The following NEIL3 variants were observed in gnomAD, a reference collection of about 807,000 sequenced individuals.
The protein encoded by NEIL3 is nei like DNA glycosylase 3.
NEIL3 carries 48 observed loss-of-function variants against 57.5 expected under a neutral mutation model. The observed-to-expected ratio is 0.83, with a 90% CI of 0.66 to 1.06. The LOEUF (loss-of-function observed/expected upper bound fraction) is 1.06. Ranked by LOEUF, NEIL3 falls within the 50% of genes least tolerant of loss-of-function variation. The pLI is 0.00. For synonymous variants in NEIL3, 261 were observed against 253.2 expected (o/e 1.03, Z -0.29); for missense variants, 717 against 739.1 (o/e 0.97, Z 0.35).
intron 4 of NEIL3, among the ~76,000 whole-genome samples, chr4:177,339,463 A>C (rs1033863259): frequency 4.6e-5 from 7 of 152,160 alleles, no homozygotes; most frequent in Non-Finnish European, 1.0e-4. Flanking sequence ...TCTCTAAAAA[A>C]ACAGAAGAAT....
At chr4:177,362,204 G>A in intron 9 of NEIL3, 85 bp from the exon 10 acceptor site, 1 of 941,530 alleles carries the variant, frequency 1.1e-6, no homozygotes, top group Non-Finnish European at 1.6e-6. Context: ...AAGACTATAT[G>A]GCACTAATCA....
At chr4:177,353,764 G>GT (rs1735414907) in intron 8 of NEIL3, 36 bp downstream of exon 8, 3 of 1,462,308 alleles carry the variant, frequency 2.1e-6, no homozygotes, top group Non-Finnish European at 9.3e-7. Flanking sequence ...TAAGATAATT[G>GT]CTTTTTTTTT....
chr4:177,357,068 C>T (rs1426145619), intron 8 of NEIL3: 1 of 152,214 alleles, frequency 6.6e-6, no homozygotes, highest in Admixed American at 6.5e-5. Flanking sequence ...GTCCTTGTCT[C>T]TTGGTTGCTT....
intron 8 of NEIL3, among the ~76,000 whole-genome samples, chr4:177,358,058 G>C (rs1056335318): frequency 1.3e-5 from 2 of 152,138 alleles, no homozygotes; most frequent in Admixed American, 1.3e-4. Context: ...TGCATATTTA[G>C]AGCCAGTGTG....
Position 177,336,362 on chromosome 4 carries a change from G to A in NEIL3, c.627+41G>A, listed in dbSNP as rs2271102. On this transcript the variant is annotated intron_variant, in intron 4 of 9. Coordinates refer to ENST00000264596, the MANE Select transcript of NEIL3 (RefSeq NM_018248.3). The stretch of plus-strand genomic sequence containing the variant: ...TTTTTTAATTATCTGTTGATTTTTC[G>A]GTACTGTGAAGGAACCAACGTGGAA... 852,111 of 1,557,956 alleles carry A rather than the reference G, an allele frequency of 0.55. 235,517 individuals are homozygous for A. Among genetic ancestry groups the A allele is most frequent in the African/African-American group, 0.76 (55,828 of 73,614 alleles).
chr4:177,341,762 AT>A, intron 6 of NEIL3, 120 bp downstream of exon 6: 1 of 843,932 alleles, frequency 1.2e-6, no homozygotes, highest in Non-Finnish European at 1.7e-6. Context: ...ACTCAAAAGT[AT>A]TTTAGTCCTT....
chr4:177,342,646 T>C (rs1439331487), intron 6 of NEIL3, among the ~76,000 whole-genome samples: 1 of 151,110 alleles, frequency 6.6e-6, no homozygotes, highest in Non-Finnish European at 1.5e-5. Flanking sequence ...CCCTTCTCCC[T>C]ACTGTACTTG....
At chr4:177,312,252 A>T (rs1409331430) in intron 1 of NEIL3, among the ~76,000 whole-genome samples, 1 of 152,168 alleles carries the variant, frequency 6.6e-6, no homozygotes, top group African/African-American at 2.4e-5. Context: ...TCACATGTCT[A>T]GTAAGGGGCT....
intron 8 of NEIL3, among the ~76,000 whole-genome samples, chr4:177,358,742 A>G (rs1239163964): frequency 1.3e-5 from 2 of 152,070 alleles, no homozygotes; most frequent in Admixed American, 6.5e-5. Flanking sequence ...CCCCAGAAAA[A>G]TTTTAATACA....
At chr4:177,331,427 A>G (rs1734882766) in intron 2 of NEIL3, among the ~76,000 whole-genome samples, 1 of 151,756 alleles carries the variant, frequency 6.6e-6, no homozygotes, top group East Asian at 1.9e-4. Flanking sequence ...ATCCTTACAT[A>G]TGTTAAATCA....
intron 1 of NEIL3, among the ~76,000 whole-genome samples, chr4:177,316,829 T>C (rs1393187929): frequency 6.6e-6 from 1 of 152,178 alleles, no homozygotes; most frequent in Admixed American, 6.5e-5. Flanking sequence ...GACAGTGGTT[T>C]AGAAAATACT....
chr4:177,322,479 T>A lies in NEIL3; in HGVS notation c.177T>A (p.Asp59Glu), dbSNP rs1368786889. The A allele has an allele frequency of 2.5e-6, 4 of 1,613,894 alleles. No homozygotes were observed. Among genetic ancestry groups the A allele is most frequent in the Admixed American group, 1.7e-5 (1 of 60,004 alleles). The change falls in exon 2 of 10, where the codon GAT becomes GAA. Residue 59 changes from aspartate (D) to glutamate (E), a missense_variant. Transcript: ENST00000264596. ...VSPQAAALNN[D>E]SSQNVLSLFN... The stretch of plus-strand genomic sequence containing the variant: ...ACTAGGCTGCTGCACTGAATAATGA[T>A]TCCAGCCAGAATGTCTTGAGCCTGT...
chr4:177,353,796 C>T (rs1158971259), intron 8 of NEIL3, 68 bp downstream of exon 8: 74 of 1,336,592 alleles, frequency 5.5e-5, no homozygotes, highest in Non-Finnish European at 7.1e-5. Flanking sequence ...GACGAGGTCT[C>T]ACTCTGTCAC....
intron 6 of NEIL3, among the ~76,000 whole-genome samples, chr4:177,347,196 G>C (rs1735240265): frequency 6.6e-6 from 1 of 152,058 alleles, no homozygotes; most frequent in East Asian, 1.9e-4. Flanking sequence ...ATGACTTGTA[G>C]CAATCTGAGG....
chr4:177,348,473 T>C (rs1735271539), intron 6 of NEIL3, among the ~76,000 whole-genome samples: 1 of 152,154 alleles, frequency 6.6e-6, no homozygotes, highest in Non-Finnish European at 1.5e-5. Flanking sequence ...AGAGTCCGCC[T>C]GCTCCTTGAG....
At position 177,310,058 on chromosome 4, in the gene NEIL3, GC is replaced by G; in HGVS notation, c.106del (p.Gln36ArgfsTer21). 6.2e-7 allele frequency: 1 copy of G among 1,602,266 alleles called. No individual in the cohort carries two copies. The highest frequency in any genetic ancestry group is 8.5e-7 in the Non-Finnish European group (1 of 1,175,328). ...GVRGSALRSLQGRALRLAAST... is the reference protein window; with the variant it reads ...GVRGSALRSLXGRALRLAAST... ...TGCGGGGAAGCGCTCTGCGGAGTCTGCAGGGCCGCGCCTTGCGGCTCGCAGC... is the reference window on the plus strand; with the variant it reads ...TGCGGGGAAGCGCTCTGCGGAGTCTGAGGGCCGCGCCTTGCGGCTCGCAGC... On this transcript the variant is annotated frameshift_variant, in exon 1 of 10. Transcript: ENST00000264596. LOFTEE classifies it high-confidence loss of function.
intron 2 of NEIL3, among the ~76,000 whole-genome samples, chr4:177,323,164 T>C (rs1272591208): frequency 1.3e-5 from 2 of 152,152 alleles, no homozygotes; most frequent in Non-Finnish European, 2.9e-5. Flanking sequence ...AAAGTCAAAA[T>C]ATATGTAATT....
intron 1 of NEIL3, among the ~76,000 whole-genome samples, chr4:177,320,466 CTTTTTTTTTTTT>C (rs34353849): frequency 3.0e-4 from 23 of 77,458 alleles, no homozygotes; most frequent in South Asian, 1.7e-3. Flanking sequence ...TGACTGCTGT[CTTTTTTTTTTTT>C]TTTTTTTTTT....
chr4:177,333,360 A>C (rs1462803511), intron 2 of NEIL3, among the ~76,000 whole-genome samples: 1 of 152,186 alleles, frequency 6.6e-6, no homozygotes, highest in Non-Finnish European at 1.5e-5. Flanking sequence ...GATATTTCTA[A>C]TGAGAGGAAT....
Sources: gnomAD v4.1 joint callset for allele counts (sites outside exome capture counted in the v4.1 genomes callset) on GRCh38, gnomAD v4.1.1 for gene constraint, MANE v1.5 for transcripts, NCBI Gene and HGNC (gene_info 2026-07-23, HGNC 2026-07-21) for gene names.